RNGTT: variants seen among roughly 807,000 people sequenced by gnomAD.
The protein encoded by RNGTT is mRNA-capping enzyme.
Under a neutral mutation model 79.3 loss-of-function variants are expected in RNGTT, and 33 were observed. The observed-to-expected ratio is 0.42, with a 90% CI of 0.32 to 0.56. The LOEUF is 0.56. Ranked by LOEUF, RNGTT falls within the 20% of genes least tolerant of loss-of-function variation. The pLI is 0.17. For missense variants in RNGTT, 497 were observed against 739.1 expected (o/e 0.67, Z 3.80); for synonymous variants, 222 against 235.9 (o/e 0.94, Z 0.54).
At chr6:88,709,207 A>G (rs1776239777) in intron 13 of RNGTT, among the ~76,000 whole-genome samples, 1 of 152,112 alleles carries the variant, frequency 6.6e-6, no homozygotes, top group Non-Finnish European at 1.5e-5. Context: ...GAGGAGGCTG[A>G]GGCAGGAGAA....
At chr6:88,938,701 T>G (rs1361973723) in intron 2 of RNGTT, among the ~76,000 whole-genome samples, 2 of 152,196 alleles carry the variant, frequency 1.3e-5, no homozygotes, top group Non-Finnish European at 2.9e-5. Context: ...GTGTTTGCTC[T>G]GTCAGTGGTT....
intron 13 of RNGTT, among the ~76,000 whole-genome samples, chr6:88,697,740 G>A (rs7747388): frequency 0.11 from 17,108 of 150,148 alleles, 3,326 homozygotes; most frequent in African/African-American, 0.4. Context: ...GTGTGGTGGT[G>A]CATGCCTGTG....
At chr6:88,709,105 C>T (rs568944236) in intron 13 of RNGTT, among the ~76,000 whole-genome samples, 14 of 152,072 alleles carry the variant, frequency 9.2e-5, no homozygotes, top group East Asian at 3.9e-4. Flanking sequence ...GTCAGGAGTT[C>T]GAGACCAGTC....
intron 13 of RNGTT, among the ~76,000 whole-genome samples, chr6:88,720,947 T>G (rs1309436730): frequency 6.6e-6 from 1 of 152,074 alleles, no homozygotes; most frequent in Non-Finnish European, 1.5e-5. Context: ...AGTTCAAACT[T>G]TGGATGGTAT....
intron 1 of RNGTT, among the ~76,000 whole-genome samples, chr6:88,952,944 A>C (rs1176450573): frequency 6.6e-6 from 1 of 152,230 alleles, no homozygotes; most frequent in Non-Finnish European, 1.5e-5. Context: ...TCAAGGGATC[A>C]GCCTGTGGGA....
At chr6:88,814,652 G>A (rs1204439446) in intron 11 of RNGTT, among the ~76,000 whole-genome samples, 2 of 152,080 alleles carry the variant, frequency 1.3e-5, no homozygotes, top group Non-Finnish European at 2.9e-5. Context: ...TATCAGTTTA[G>A]AAGAATAGTA....
chr6:88,941,353 T>C (rs1784842392), intron 1 of RNGTT, among the ~76,000 whole-genome samples, 173 bp from the exon 2 acceptor site: 1 of 152,110 alleles, frequency 6.6e-6, no homozygotes, highest in African/African-American at 2.4e-5. Flanking sequence ...TTGAAACCTC[T>C]GCCTCCTGAG....
chr6:88,928,872 G>T, intron 4 of RNGTT, 113 bp downstream of exon 4: 1 of 688,924 alleles, frequency 1.5e-6, no homozygotes, highest in Non-Finnish European at 2.5e-6. Context: ...AACACTACTT[G>T]GTCATTATTT....
chr6:88,736,233 G>A (rs1000697835), intron 13 of RNGTT, among the ~76,000 whole-genome samples: 1 of 152,112 alleles, frequency 6.6e-6, no homozygotes, highest in Non-Finnish European at 1.5e-5. Context: ...TTCACTGGGT[G>A]TATTATACAA....
intron 8 of RNGTT, among the ~76,000 whole-genome samples, chr6:88,866,066 T>C (rs141700929): frequency 2.0e-5 from 3 of 152,298 alleles, no homozygotes; most frequent in East Asian, 1.9e-4. Context: ...AACTAACAGT[T>C]TGGGGAAGTG....
chr6:88,742,142 T>G (rs1030588542), intron 13 of RNGTT, among the ~76,000 whole-genome samples: 3 of 152,190 alleles, frequency 2.0e-5, no homozygotes, highest in African/African-American at 4.8e-5. Context: ...AAATGCTGAT[T>G]CAGACAAATA....
intron 12 of RNGTT, among the ~76,000 whole-genome samples, chr6:88,793,768 C>A (rs1019667812): frequency 6.6e-6 from 1 of 152,064 alleles, no homozygotes; most frequent in Admixed American, 6.5e-5. Context: ...TGCATTCCAG[C>A]CTGGGCGACA....
At chr6:88,923,982 G>C (rs1784241176) in intron 4 of RNGTT, among the ~76,000 whole-genome samples, 1 of 152,210 alleles carries the variant, frequency 6.6e-6, no homozygotes, top group Non-Finnish European at 1.5e-5. Context: ...GCCCCAGGGA[G>C]AGGAAGGGGA....
chr6:88,946,139 G>T (rs554324085), intron 1 of RNGTT, among the ~76,000 whole-genome samples: 1 of 152,152 alleles, frequency 6.6e-6, no homozygotes, highest in African/African-American at 2.4e-5. Context: ...AGTCTATCAA[G>T]TAATTTATCC....
intron 13 of RNGTT, among the ~76,000 whole-genome samples, chr6:88,761,264 T>C (rs1778233955): frequency 6.6e-6 from 1 of 151,862 alleles, no homozygotes; most frequent in Non-Finnish European, 1.5e-5. Flanking sequence ...CCGAGGCACG[T>C]GGATCACTTG....
chr6:88,933,116 A>G (rs1784559353), intron 2 of RNGTT, among the ~76,000 whole-genome samples: 1 of 152,184 alleles, frequency 6.6e-6, no homozygotes, highest in South Asian at 2.1e-4. Context: ...AAGAGAAACA[A>G]TCTGCACTTT....
intron 13 of RNGTT, among the ~76,000 whole-genome samples, chr6:88,749,209 GAAGT>G (rs2127829395): frequency 6.6e-6 from 1 of 152,212 alleles, no homozygotes; most frequent in South Asian, 2.1e-4. Context: ...CAGAAAATCT[GAAGT>G]AATAGAAGGA....
chr6:88,628,325 A>G (rs1017638185), intron 14 of RNGTT, among the ~76,000 whole-genome samples: 1 of 152,146 alleles, frequency 6.6e-6, no homozygotes, highest in African/African-American at 2.4e-5. Context: ...CTTCTCTCTG[A>G]TAAACATTTT....
intron 13 of RNGTT, among the ~76,000 whole-genome samples, chr6:88,752,328 G>A (rs2127830968): frequency 6.6e-6 from 1 of 152,122 alleles, no homozygotes; most frequent in South Asian, 2.1e-4. Flanking sequence ...TTTTAATTAA[G>A]AAATGTACAG....
Sources: allele counts gnomAD v4.1 joint callset (sites outside exome capture counted in the v4.1 genomes callset), GRCh38; gene constraint gnomAD v4.1.1; transcripts MANE v1.5; gene names NCBI Gene and HGNC (gene_info 2026-07-23, HGNC 2026-07-21).